NSUN4: variants seen among roughly 807,000 people sequenced by gnomAD.
NSUN4 encodes the protein 5-cytosine rRNA methyltransferase NSUN4.
A neutral mutation model predicts 43.8 loss-of-function variants in NSUN4; 31 were observed. The ratio of observed to expected loss-of-function variants is 0.71; its 90% CI spans 0.53 to 0.96. The LOEUF (loss-of-function observed/expected upper bound fraction) is 0.96. Ranked by LOEUF, NSUN4 falls within the 40% of genes least tolerant of loss-of-function variation. The probability of loss-of-function intolerance (pLI) is 0.00; values close to 1 mark genes in which losing one functional copy is unlikely to be tolerated. For synonymous variants in NSUN4, 167 were observed against 184.1 expected, an observed-to-expected ratio of 0.91 and a Z score of 0.75; for missense variants, 439 against 475.6, an observed-to-expected ratio of 0.92 and a Z score of 0.72.
chr1:46,346,904 GGT>G lies in NSUN4; in HGVS notation c.438-16_438-15del. 6 of 1,608,176 alleles carry G rather than the reference GGT, an allele frequency of 3.7e-6. No homozygotes were observed. Among genetic ancestry groups the G allele is most frequent in the Non-Finnish European group, 5.1e-6 (6 of 1,176,776 alleles). On this transcript the variant is annotated splice_polypyrimidine_tract_variant and intron_variant, in intron 2 of 5. Coordinates refer to ENST00000474844, the MANE Select transcript of NSUN4 (RefSeq NM_199044.4). ...CTGACCTGGAATTTAACAATAAAGT[GGT>G]CTCCTCTTTTCCAGACCTGGCAGCC...
chr1:46,366,496 A>G (rs553015890), downstream of NSUN4, among the ~76,000 whole-genome samples: 1 of 152,230 alleles, frequency 6.6e-6, no homozygotes, highest in South Asian at 2.1e-4. Flanking sequence ...TGATAAAAGT[A>G]TGTTATAAAC....
Position 46,361,455 on chromosome 1 carries a change from A to AC in NSUN4, c.879-115_879-114insC, listed in dbSNP as rs1663863373. ...GTGGAAGGGACTTGAGAGGCAGTCT[A>AC]ACCAGCTACCCATCCTGTAGTAGCC... On this transcript the variant is annotated intron_variant, in intron 5 of 5. Coordinates refer to ENST00000474844, the MANE Select transcript of NSUN4 (RefSeq NM_199044.4). 5 of 937,138 alleles carry AC rather than the reference A, an allele frequency of 5.3e-6. No individual in the cohort carries two copies. In the South Asian group the frequency reaches 6.5e-5, roughly 12 times the overall value. The allele number at this position is 937,138 out of a possible 1,614,324, so 58.1% of individuals were successfully genotyped here.
intron 3 of NSUN4, among the ~76,000 whole-genome samples, chr1:46,350,252 G>A (rs765415331): frequency 7.2e-5 from 11 of 152,126 alleles, no homozygotes; most frequent in Non-Finnish European, 1.2e-4. Flanking sequence ...GACATTGGCC[G>A]GGGGGCGGTG....
At chr1:46,360,092 G>C (rs6692410) in intron 4 of NSUN4, among the ~76,000 whole-genome samples, 32,761 of 148,846 alleles carry the variant, frequency 0.22, 4,108 homozygotes, top group Non-Finnish European at 0.29. Flanking sequence ...AGCCGGGCAT[G>C]GTGGCAGGCG....
At chr1:46,351,661 T>C (rs905928728) in intron 3 of NSUN4, among the ~76,000 whole-genome samples, 2 of 83,420 alleles carry the variant, frequency 2.4e-5, no homozygotes, top group African/African-American at 3.6e-5. Flanking sequence ...CCCAGTCTCT[T>C]TTTTTTTTTT....
intron 2 of NSUN4, 196 bp downstream of exon 2, chr1:46,345,340 G>A: frequency 1.9e-6 from 1 of 536,224 alleles, no homozygotes; most frequent in South Asian, 2.8e-5. Flanking sequence ...TTATGAAGTA[G>A]GTAATATTAT....
chr1:46,375,429 C>T, the NSUN4 span, among the ~76,000 whole-genome samples: 1 of 128,364 alleles, frequency 7.8e-6, no homozygotes. Flanking sequence ...GAGCAAAACT[C>T]GTTCTCAAAA....
At chr1:46,341,810 G>C (rs1662129967) in intron 1 of NSUN4, 5 of 1,232,706 alleles carry the variant, frequency 4.1e-6, no homozygotes, top group Non-Finnish European at 5.1e-6. Context: ...TCTGTCAGCG[G>C]ACACCTTATT....
At chr1:46,353,671 G>C (rs1468033835) in intron 4 of NSUN4, among the ~76,000 whole-genome samples, 4 of 151,968 alleles carry the variant, frequency 2.6e-5, no homozygotes, top group Admixed American at 6.6e-5. Context: ...TAGAGACGGG[G>C]CTTCACCATC....
chr1:46,372,787 A>G, the NSUN4 span, among the ~76,000 whole-genome samples: 73 of 152,218 alleles, frequency 4.8e-4, no homozygotes, highest in Non-Finnish European at 9.9e-4. Flanking sequence ...CAATGACATG[A>G]TCTCAGTTCA....
At chr1:46,347,176 G>A (rs951910464) in intron 3 of NSUN4, 101 bp downstream of exon 3, 8 of 1,274,716 alleles carry the variant, frequency 6.3e-6, no homozygotes, top group Admixed American at 5.1e-5. Context: ...AGTGGCTCCC[G>A]CCTGTAATCC....
the NSUN4 span, among the ~76,000 whole-genome samples, chr1:46,377,084 C>G: frequency 3.3e-5 from 5 of 151,366 alleles, no homozygotes; most frequent in Admixed American, 3.3e-4. Context: ...AAGTTTTGCT[C>G]TGTTGCCCAG....
At chr1:46,341,889 A>G (rs1662137042) in intron 1 of NSUN4, 1 of 1,232,846 alleles carries the variant, frequency 8.1e-7, no homozygotes, top group Non-Finnish European at 1.0e-6. Flanking sequence ...CCAGCACACT[A>G]ATCTCTGTTA....
intron 4 of NSUN4, 22 bp downstream of exon 4, chr1:46,353,050 A>G: frequency 1.2e-6 from 2 of 1,612,474 alleles, no homozygotes; most frequent in Non-Finnish European, 1.7e-6. Flanking sequence ...TTGATTTAGG[A>G]CATGCATCCA....
At chr1:46,372,058 A>G in the NSUN4 span, among the ~76,000 whole-genome samples, 1 of 151,390 alleles carries the variant, frequency 6.6e-6, no homozygotes, top group African/African-American at 2.4e-5. Flanking sequence ...TGTCTTGATA[A>G]TCCCTTCTCT....
intron 1 of NSUN4, chr1:46,341,963 G>C (rs987166964): frequency 1.6e-6 from 2 of 1,232,734 alleles, no homozygotes; most frequent in Admixed American, 4.2e-5. Context: ...TTGCTCATCA[G>C]TCCCCGGGAA....
downstream of NSUN4, among the ~76,000 whole-genome samples, chr1:46,368,617 A>G (rs1038927572): frequency 6.6e-6 from 1 of 152,216 alleles, no homozygotes; most frequent in Non-Finnish European, 1.5e-5. Context: ...GCTGACCTCC[A>G]GAATCATGAA....
At chr1:46,351,809 T>C (rs112324418) in intron 3 of NSUN4, among the ~76,000 whole-genome samples, 33,787 of 150,550 alleles carry the variant, frequency 0.22, 4,246 homozygotes, top group Non-Finnish European at 0.29. Flanking sequence ...GGACTACAGG[T>C]ACCCACCCCC....
the NSUN4 span, among the ~76,000 whole-genome samples, chr1:46,371,381 C>T: frequency 2.0e-5 from 3 of 151,000 alleles, no homozygotes; most frequent in East Asian, 5.8e-4. Flanking sequence ...TCTTAGCTCA[C>T]TGCAAGCTCC....
Sources: gnomAD v4.1 joint callset for allele counts (sites outside exome capture counted in the v4.1 genomes callset) on GRCh38, gnomAD v4.1.1 for gene constraint, MANE v1.5 for transcripts, NCBI Gene and HGNC (gene_info 2026-07-23, HGNC 2026-07-21) for gene names.